The following LAPTM4B variants were observed in gnomAD, a reference collection of about 807,000 sequenced individuals.
The protein encoded by LAPTM4B is lysosomal-associated transmembrane protein 4B.
LAPTM4B carries 26 observed loss-of-function variants against 28.5 expected under a neutral mutation model. The observed-to-expected ratio is 0.91, with a 90% CI of 0.67 to 1.27. The LOEUF (loss-of-function observed/expected upper bound fraction) is 1.27, where lower values mean the gene tolerates loss of function less well. Among genes scored for constraint, LAPTM4B ranks in the 50% most tolerant of loss-of-function variants. LAPTM4B has a pLI of 0.00. For missense variants in LAPTM4B, 288 were observed against 285.8 expected (o/e 1.01, Z -0.06); for synonymous variants, 109 against 106.4 (o/e 1.02, Z -0.15).
chr8:97,788,310 C>T, intron 1 of LAPTM4B: 2 of 383,796 alleles, frequency 5.2e-6, no homozygotes, highest in African/African-American at 2.1e-5. Context: ...GACATTTTTG[C>T]TTTTGTTTCT....
rs1586350761 is a variant in LAPTM4B, at chr8:97,852,134, G to A, written c.*660G>A. On this transcript the variant is annotated 3_prime_UTR_variant, in exon 7 of 7. Coordinates refer to ENST00000521545, the MANE Select transcript of LAPTM4B (RefSeq NM_018407.6). ...TGGATCTTGTGTCCAGGGACATGGG[G>A]TGACATGCCTCGTATGTGTTAGAGG... The A allele has an allele frequency of 6.5e-6, 1 of 153,090 alleles. No homozygotes were observed. The highest frequency in any genetic ancestry group is 6.5e-5 in the Admixed American group (1 of 15,384). 9.5% of individuals were successfully genotyped at this position (153,090 alleles called of 1,614,324 possible). A position where few individuals can be genotyped will look rare whatever the true frequency, so the allele number is the denominator to read the frequency against.
At chr8:97,802,123 AG>A (rs1816693150) in intron 1 of LAPTM4B, among the ~76,000 whole-genome samples, 1 of 152,178 alleles carries the variant, frequency 6.6e-6, no homozygotes, top group Middle Eastern at 3.2e-3. Flanking sequence ...ACCCCAAGAG[AG>A]GGTTCTTGGA....
chr8:97,812,290 G>A (rs2129784767), intron 2 of LAPTM4B, among the ~76,000 whole-genome samples: 1 of 143,482 alleles, frequency 7.0e-6, no homozygotes, highest in Middle Eastern at 4.0e-3. Flanking sequence ...TGCTATCTTG[G>A]CTCACTGCAA....
At chr8:97,788,988 C>T (rs1257611637) in intron 1 of LAPTM4B, among the ~76,000 whole-genome samples, 2 of 151,990 alleles carry the variant, frequency 1.3e-5, no homozygotes, top group African/African-American at 4.8e-5. Flanking sequence ...GCTACAGCGC[C>T]CAGCCCTGAC....
chr8:97,786,467 G>A (rs1239176058), intron 1 of LAPTM4B, among the ~76,000 whole-genome samples: 2 of 151,652 alleles, frequency 1.3e-5, no homozygotes, highest in Non-Finnish European at 2.9e-5. Context: ...ACTTTGGGAG[G>A]CCGAGGCGGG....
intron 6 of LAPTM4B, among the ~76,000 whole-genome samples, chr8:97,850,465 GGT>G (rs761478917): frequency 8.8e-4 from 33 of 37,586 alleles, no homozygotes; most frequent in Middle Eastern, 0.011. Flanking sequence ...GGAGAGGAGG[GGT>G]GTGTGTGTGT....
At chr8:97,800,580 TCCGCCTCCCGGGTTCAAGCAATTCTC>T in intron 1 of LAPTM4B, among the ~76,000 whole-genome samples, 1 of 137,298 alleles carries the variant, frequency 7.3e-6, no homozygotes, top group Non-Finnish European at 1.5e-5. Context: ...CACGGTAACC[TCCGCCTCCCGGGTTCAAGCAATTCTC>T]CTGCCTCAGC....
chr8:97,830,290 A>G (rs1444775158), intron 6 of LAPTM4B, among the ~76,000 whole-genome samples: 1 of 152,142 alleles, frequency 6.6e-6, no homozygotes, highest in Non-Finnish European at 1.5e-5. Context: ...AGTGAGTAGA[A>G]AAGAACTTCA....
intron 6 of LAPTM4B, 146 bp from the exon 7 acceptor site, chr8:97,851,246 CTTTTA>C (rs1392344438): frequency 8.9e-6 from 6 of 675,160 alleles, no homozygotes; most frequent in Non-Finnish European, 1.6e-5. Context: ...TTCAAAAAGT[CTTTTA>C]ATGAAGTGTA....
chr8:97,833,034 T>C (rs1442080450), intron 6 of LAPTM4B, among the ~76,000 whole-genome samples: 2 of 150,716 alleles, frequency 1.3e-5, no homozygotes, highest in Admixed American at 1.3e-4. Flanking sequence ...TTAAAAGATA[T>C]TTACAAAAAC....
chr8:97,833,246 ATCGCTTGAACCTGGGAGGT>A (rs1193091379), intron 6 of LAPTM4B, among the ~76,000 whole-genome samples: 2 of 151,954 alleles, frequency 1.3e-5, no homozygotes, highest in Non-Finnish European at 2.9e-5. Context: ...GGGCAGGAGA[ATCGCTTGAACCTGGGAGGT>A]TCACTTGAAC....
chr8:97,789,916 G>A (rs906582070), intron 1 of LAPTM4B, among the ~76,000 whole-genome samples: 5 of 152,206 alleles, frequency 3.3e-5, no homozygotes, highest in Admixed American at 2.6e-4. Flanking sequence ...CTCTAGCTAC[G>A]TGAGTTCAAT....
intron 1 of LAPTM4B, among the ~76,000 whole-genome samples, chr8:97,804,189 G>T (rs1387767571): frequency 6.6e-6 from 1 of 152,098 alleles, no homozygotes; most frequent in African/African-American, 2.4e-5. Flanking sequence ...AGGCCAGCCT[G>T]GGCAATATAG....
At chr8:97,794,956 C>T (rs1431176304) in intron 1 of LAPTM4B, among the ~76,000 whole-genome samples, 1 of 152,242 alleles carries the variant, frequency 6.6e-6, no homozygotes, top group African/African-American at 2.4e-5. Context: ...AGGTGATCCA[C>T]CTGCCTCAGC....
chr8:97,797,967 A>G (rs1816616426), intron 1 of LAPTM4B, among the ~76,000 whole-genome samples: 1 of 152,218 alleles, frequency 6.6e-6, no homozygotes, highest in Non-Finnish European at 1.5e-5. Flanking sequence ...TTTGCTCATA[A>G]CATAAAAAAA....
intron 2 of LAPTM4B, 65 bp from the exon 3 acceptor site, chr8:97,815,263 A>C: frequency 8.3e-7 from 1 of 1,202,404 alleles, no homozygotes; most frequent in Non-Finnish European, 1.2e-6. Context: ...GAAGAGACTG[A>C]AAGTATTCAG....
In LAPTM4B at chr8:97,852,085, G is replaced by A. The variant is rs1817532902; in HGVS notation, c.*611G>A. On this transcript the variant is annotated 3_prime_UTR_variant, in exon 7 of 7. Coordinates refer to ENST00000521545, the MANE Select transcript of LAPTM4B (RefSeq NM_018407.6). Reference sequence around the variant, plus strand: ...TAGAAAGCACCAGGCCGTGGGAGCAGTGACCATCTGCTGACTGTTCTTGTG... The same window carrying A: ...TAGAAAGCACCAGGCCGTGGGAGCAATGACCATCTGCTGACTGTTCTTGTG... The A allele has an allele frequency of 6.5e-6, 1 of 153,266 alleles. No individual in the cohort carries two copies. The highest frequency in any genetic ancestry group is 2.4e-5 in the African/African-American group (1 of 41,476). The allele number at this position is 153,266 out of a possible 1,614,324, so 9.5% of individuals were successfully genotyped here. A position where few individuals can be genotyped will look rare whatever the true frequency, so the allele number is the denominator to read the frequency against.
intron 1 of LAPTM4B, among the ~76,000 whole-genome samples, chr8:97,792,592 T>C (rs1872019): frequency 0.47 from 70,942 of 151,756 alleles, 17,059 homozygotes; most frequent in African/African-American, 0.56. Context: ...ATTTTTTTCC[T>C]TTTTTGAGAC....
intron 6 of LAPTM4B, among the ~76,000 whole-genome samples, chr8:97,839,970 C>T (rs775837775): frequency 3.9e-4 from 59 of 152,160 alleles, no homozygotes; most frequent in Non-Finnish European, 7.3e-4. Context: ...TGAGCAGTCC[C>T]TGCATCCCTC....
Sources: allele counts gnomAD v4.1 joint callset (sites outside exome capture counted in the v4.1 genomes callset), GRCh38; gene constraint gnomAD v4.1.1; transcripts MANE v1.5; gene names NCBI Gene and HGNC (gene_info 2026-07-23, HGNC 2026-07-21).